The following PROM1 variants were observed in gnomAD, a reference collection of about 807,000 sequenced individuals.
The protein encoded by PROM1 is prominin-1.
Under a neutral mutation model 116.9 loss-of-function variants are expected in PROM1, and 105 were observed. That is an observed-to-expected ratio of 0.90 (90% confidence interval 0.77 to 1.06). PROM1 has a LOEUF of 1.06. Ranked by LOEUF, PROM1 falls within the 50% of genes least tolerant of loss-of-function variation. The probability of loss-of-function intolerance (pLI) is 0.00; values close to 1 mark genes in which losing one functional copy is unlikely to be tolerated. For missense variants in PROM1, 1,122 were observed against 1,045.2 expected, an observed-to-expected ratio of 1.07 and a Z score of -1.01; for synonymous variants, 393 against 387.0, an observed-to-expected ratio of 1.02 and a Z score of -0.18.
intron 5 of PROM1, among the ~76,000 whole-genome samples, chr4:16,026,483 C>T (rs561871805): frequency 1.2e-4 from 18 of 152,146 alleles, no homozygotes; most frequent in African/African-American, 4.1e-4. Context: ...TAAAGTTTTG[C>T]AAATAATAGG....
chr4:16,049,381 TATG>T (rs1193822246), intron 2 of PROM1, among the ~76,000 whole-genome samples: 1 of 152,210 alleles, frequency 6.6e-6, no homozygotes, highest in African/African-American at 2.4e-5. Flanking sequence ...GGACAGGCAG[TATG>T]ATTAGAAGCA....
chr4:15,987,325 A>G (rs1356271564), intron 20 of PROM1, among the ~76,000 whole-genome samples: 3 of 152,214 alleles, frequency 2.0e-5, no homozygotes, highest in Non-Finnish European at 2.9e-5. Context: ...CAGCAGGGAA[A>G]ATGAACATTT....
chr4:15,979,347 G>A (rs1363963356), intron 26 of PROM1, 48 bp downstream of exon 26: 14 of 1,612,602 alleles, frequency 8.7e-6, no homozygotes, highest in Non-Finnish European at 1.1e-5. Flanking sequence ...TATAGGAGAT[G>A]AGACGGTTTA....
chr4:16,044,764 A>G (rs1012394283), intron 2 of PROM1, among the ~76,000 whole-genome samples: 2 of 152,244 alleles, frequency 1.3e-5, no homozygotes, highest in Non-Finnish European at 2.9e-5. Flanking sequence ...TTCCAGGCAT[A>G]TAAGACTTTC....
intron 14 of PROM1, among the ~76,000 whole-genome samples, chr4:15,999,243 GGGCA>G (rs1723092170): frequency 1.3e-5 from 2 of 151,938 alleles, no homozygotes; most frequent in African/African-American, 2.4e-5. Context: ...AGGCCAAGGT[GGGCA>G]GATCACGAGG....
chr4:15,993,656 C>A (rs1339204727), intron 16 of PROM1, among the ~76,000 whole-genome samples: 1 of 152,130 alleles, frequency 6.6e-6, no homozygotes, highest in Admixed American at 6.5e-5. Context: ...TCCTGAGGAA[C>A]AAATAGGGAT....
In PROM1 at chr4:15,984,361, G is replaced by A. The variant is rs3815344; in HGVS notation, c.2281-6C>T. On this transcript the variant is annotated splice_region_variant and splice_polypyrimidine_tract_variant and intron_variant, in intron 22 of 27. Transcript: ENST00000447510. ...GATGCCACTTTCTCACTGATCTAGG[G>A]GGGTGGAAACACAGGGAAACTTTGA... 1.3e-6 allele frequency: 2 copies of A among 1,560,480 alleles called. No individual in the cohort carries two copies. Among genetic ancestry groups the A allele is most frequent in the South Asian group, 1.2e-5 (1 of 82,238 alleles).
chr4:16,018,518 C>T lies in PROM1; in HGVS notation c.807G>A (p.Ala269=), dbSNP rs140327426. The change falls in exon 9 of 28, where the codon GCG becomes GCA. Residue 269 remains alanine (A), a synonymous_variant. Transcript: ENST00000447510. Reference sequence around the variant, plus strand: ...TCAAGGTGCTGTTCATGTTCTCCAACGCCTCTTTGGTCTCCTTGATCGCTA... The same window carrying T: ...TCAAGGTGCTGTTCATGTTCTCCAATGCCTCTTTGGTCTCCTTGATCGCTA... ...MATAIKETKE[A]LENMNSTLKS... 100 of 1,610,392 alleles carry T rather than the reference C, an allele frequency of 6.2e-5. No homozygotes were observed. The highest frequency in any genetic ancestry group is 2.9e-4 in the East Asian group (13 of 44,822).
chr4:16,051,880 G>A (rs908654787), intron 2 of PROM1, among the ~76,000 whole-genome samples: 1 of 152,114 alleles, frequency 6.6e-6, no homozygotes, highest in Non-Finnish European at 1.5e-5. Flanking sequence ...GTAAGAACTC[G>A]GTAGCCCTCC....
intron 2 of PROM1, among the ~76,000 whole-genome samples, chr4:16,040,250 G>A (rs1434312549): frequency 2.0e-5 from 3 of 147,844 alleles, no homozygotes; most frequent in African/African-American, 7.5e-5. Context: ...GATATGGGCT[G>A]ATGTTTAAAG....
chr4:16,070,631 G>T (rs917627507), intron 2 of PROM1, among the ~76,000 whole-genome samples: 5 of 152,204 alleles, frequency 3.3e-5, no homozygotes, highest in African/African-American at 1.2e-4. Context: ...AGCAGATACT[G>T]AGAACTGCAG....
intron 5 of PROM1, 121 bp from the exon 6 acceptor site, chr4:16,025,433 C>A: frequency 8.2e-7 from 1 of 1,218,098 alleles, no homozygotes. Flanking sequence ...CCTTTCCTCT[C>A]CCGCTGCCCT....
chr4:16,028,348 G>C (rs530954593), intron 5 of PROM1, among the ~76,000 whole-genome samples: 7 of 152,074 alleles, frequency 4.6e-5, no homozygotes, highest in African/African-American at 1.2e-4. Flanking sequence ...AAATGGGCTG[G>C]AGGAGCAGCT....
In PROM1 at chr4:16,068,576, C is replaced by CT. The variant is rs558235128; in HGVS notation, c.220+7110dup. ...TTCTTTGTTTCTGCTTTCTTCAGCC[C>CT]TTTTTCTGAATATTAAGCTAGGCTC... On this transcript the variant is annotated intron_variant, in intron 2 of 27. Coordinates refer to ENST00000447510, the MANE Select transcript of PROM1 (RefSeq NM_006017.3). Among the ~76,000 whole-genome samples the CT allele has an allele frequency of 2.4e-4, 36 of 152,272 alleles. No individual in the cohort carries two copies. In the East Asian group the frequency reaches 7.0e-3, roughly 29 times the overall value.
At chr4:16,075,336 A>C (rs1743727524) in intron 2 of PROM1, among the ~76,000 whole-genome samples, 2 of 152,200 alleles carry the variant, frequency 1.3e-5, no homozygotes, top group South Asian at 4.1e-4. Context: ...CTTTGATGAC[A>C]CACAATTTGC....
At position 16,042,424 on chromosome 4, in the gene PROM1, A is replaced by T. The variant is rs187582079; in HGVS notation, c.221-3423T>A. ...CAAAAGCCTGCGTGGAAAAAGATCC[A>T]TTCAAAGTGGAAGACAAGGAGGTGG... is the stretch of plus-strand genomic sequence containing the variant. On this transcript the variant is annotated intron_variant, in intron 2 of 27. Transcript: ENST00000447510. Among the ~76,000 whole-genome samples, 12 of 152,350 alleles carry T rather than the reference A, an allele frequency of 7.9e-5. No individual in the cohort carries two copies. The East Asian group carries it at 2.3e-3, about 29-fold the overall frequency.
Position 16,062,184 on chromosome 4 carries a change from C to A in PROM1, c.220+13503G>T, listed in dbSNP as rs13131097. On this transcript the variant is annotated intron_variant, in intron 2 of 27. Coordinates refer to ENST00000447510, the MANE Select transcript of PROM1 (RefSeq NM_006017.3). Reference sequence around the variant, plus strand: ...GGGATTACAGGCGTGAGCCACCGCACCCGGCCACAAATTTCCCTTTTAAGA... The same window carrying A: ...GGGATTACAGGCGTGAGCCACCGCAACCGGCCACAAATTTCCCTTTTAAGA... 5.0e-4 allele frequency among the ~76,000 whole-genome samples: 76 copies of A among 152,014 alleles called. 1 individual carries two copies. Among genetic ancestry groups the A allele is most frequent in the Non-Finnish European group, 7.2e-4 (49 of 67,966 alleles).
intron 1 of PROM1, among the ~76,000 whole-genome samples, chr4:16,082,935 T>A (rs866488134): frequency 6.6e-6 from 1 of 151,930 alleles, no homozygotes; most frequent in Non-Finnish European, 1.5e-5. Context: ...AGGGTGCGCC[T>A]TGAGCACCCC....
chr4:15,974,462 A>T (rs917363447), intron 26 of PROM1, among the ~76,000 whole-genome samples: 4 of 152,216 alleles, frequency 2.6e-5, no homozygotes, highest in African/African-American at 9.6e-5. Flanking sequence ...AAAAAAAACT[A>T]GTTTATGAAA....
Sources: allele counts gnomAD v4.1 joint callset (sites outside exome capture counted in the v4.1 genomes callset), GRCh38; gene constraint gnomAD v4.1.1; transcripts MANE v1.5; gene names NCBI Gene and HGNC (gene_info 2026-07-23, HGNC 2026-07-21).